MCRS1: variants seen among roughly 807,000 people sequenced by gnomAD.
The protein encoded by MCRS1 is 58 kDa microspherule protein.
Under a neutral mutation model 62.9 loss-of-function variants are expected in MCRS1, and 22 were observed. That is an observed-to-expected ratio of 0.35 (90% CI 0.25 to 0.50). MCRS1 has a LOEUF of 0.50. MCRS1 is among the 20% of genes least tolerant of loss of function. The pLI, the probability that MCRS1 is intolerant of heterozygous loss-of-function variation, is 0.98. For synonymous variants in MCRS1, 244 were observed against 233.5 expected, an observed-to-expected ratio of 1.04 and a Z score of -0.41; for missense variants, 456 against 601.1, an observed-to-expected ratio of 0.76 and a Z score of 2.52.
intron 3 of MCRS1, 70 bp from the exon 4 acceptor site, chr12:49,565,737 C>CAA: frequency 1.2e-6 from 2 of 1,607,154 alleles, no homozygotes; most frequent in Non-Finnish European, 1.7e-6. Flanking sequence ...CCCCAGCCCC[C>CAA]AAAAGAGAGC....
chr12:49,565,375 T>C (rs555855137), intron 4 of MCRS1, 154 bp downstream of exon 4: 10 of 984,524 alleles, frequency 1.0e-5, no homozygotes, highest in Middle Eastern at 5.2e-4. Flanking sequence ...TAGGGAGAGG[T>C]GTGTTCCCAG....
chr12:49,565,120 CTT>C, intron 4 of MCRS1: 1 of 985,344 alleles, frequency 1.0e-6, no homozygotes, highest in East Asian at 1.1e-4. Context: ...GGGGTCTTCT[CTT>C]TGCTGGCAGT....
chr12:49,566,060 C>T lies in MCRS1; in HGVS notation c.149+17G>A, dbSNP rs1158001362. On this transcript the variant is annotated intron_variant, in intron 3 of 14. Coordinates refer to ENST00000343810, the MANE Select transcript of MCRS1 (RefSeq NM_006337.5). Reference sequence around the variant, plus strand: ...TTCTACCCTTTCCCAGTTCCTGGCCCTCCGAACCCTTACTACCTGGAGGAG... The same window carrying T: ...TTCTACCCTTTCCCAGTTCCTGGCCTTCCGAACCCTTACTACCTGGAGGAG... The T allele has an allele frequency of 1.9e-6, 3 of 1,610,434 alleles. No individual in the cohort carries two copies. The highest frequency in any genetic ancestry group is 2.5e-6 in the Non-Finnish European group (3 of 1,178,170).
rs1198047574 is a variant in MCRS1, at chr12:49,566,135, G to T, written c.91C>A (p.Gln31Lys). ...AAGGCCTGGGAGGAGGCTCGCTTCT[G>T]CCCTGCCAGTGACTCCTCATCCTCT... ...RSEDEESLAG[Q>K]KRASSQALGT... The change falls in exon 3 of 15, where the codon CAG becomes AAG. Residue 31 changes from glutamine (Q) to lysine (K), a missense_variant. Physicochemically the swap from Gln to Lys is moderately conservative, Grantham distance 53. This residue lies in a region of MCRS1 where 55 missense variants were observed against 49.3 expected (regional missense o/e 1.12). Transcript: ENST00000343810. 1 of 1,614,208 alleles carries T rather than the reference G, an allele frequency of 6.2e-7. No homozygotes were observed. Among genetic ancestry groups the T allele is most frequent in the African/African-American group, 1.3e-5 (1 of 75,048 alleles).
intron 8 of MCRS1, among the ~76,000 whole-genome samples, chr12:49,562,517 T>C (rs533760036): frequency 6.6e-5 from 10 of 151,838 alleles, no homozygotes; most frequent in African/African-American, 2.4e-4. Flanking sequence ...AACGGCCTAG[T>C]GGGAAAAGAA....
In MCRS1 at chr12:49,558,966, G is replaced by T; in HGVS notation, c.1179C>A (p.Val393=). ...PAWKISRKQG[V]IKLKNNGDFF... ...AATCACCGTTGTTCTTCAGCTTGAT[G>T]ACACCTGTGGAAGCAGAAAGAAAGA... The change falls in exon 14 of 15, where the codon GTC becomes GTA. Residue 393 remains valine (V), a synonymous_variant. Transcript: ENST00000343810. 1 of 1,611,612 alleles carries T rather than the reference G, an allele frequency of 6.2e-7. No homozygotes were observed. Among genetic ancestry groups the T allele is most frequent in the Non-Finnish European group, 8.5e-7 (1 of 1,179,980 alleles).
chr12:49,565,491 G>T (rs1330706113), intron 4 of MCRS1, 38 bp downstream of exon 4: 1 of 1,548,434 alleles, frequency 6.5e-7, no homozygotes, highest in African/African-American at 1.4e-5. Flanking sequence ...ATGAAATCTG[G>T]CACTACCTCC....
intron 2 of MCRS1, 157 bp from the exon 3 acceptor site, chr12:49,566,372 A>G: frequency 1.3e-6 from 2 of 1,573,486 alleles, no homozygotes; most frequent in Non-Finnish European, 1.7e-6. Context: ...GGCCATCCAG[A>G]TCCCATCTGG....
intron 1 of MCRS1, 77 bp from the exon 2 acceptor site, chr12:49,566,918 C>T (rs1391097382): frequency 1.4e-6 from 1 of 707,670 alleles, no homozygotes; most frequent in East Asian, 2.8e-5. Context: ...TGGCTCAGGT[C>T]CCCCAGGGTC....
intron 6 of MCRS1, 61 bp from the exon 7 acceptor site, chr12:49,563,607 CCTA>C (rs1383583687): frequency 3.9e-6 from 5 of 1,273,184 alleles, no homozygotes; most frequent in Non-Finnish European, 4.4e-6. Context: ...ATCTGGGGTT[CCTA>C]CTATTTCCCC....
At chr12:49,562,792 T>C (rs74089566) in intron 8 of MCRS1, among the ~76,000 whole-genome samples, 13,259 of 152,304 alleles carry the variant, frequency 0.087, 671 homozygotes, top group African/African-American at 0.14. Context: ...CCAGGCAATG[T>C]TGGCTACTCT....
chr12:49,562,970 AC>A, intron 8 of MCRS1, 30 bp downstream of exon 8: 1 of 1,584,188 alleles, frequency 6.3e-7, no homozygotes, highest in Non-Finnish European at 8.6e-7. Flanking sequence ...ACGTGCACAC[AC>A]CCCCATTCTG....
At chr12:49,565,447 G>A (rs543732051) in intron 4 of MCRS1, 82 bp downstream of exon 4, 20 of 1,529,234 alleles carry the variant, frequency 1.3e-5, no homozygotes, top group South Asian at 6.5e-5. Context: ...TGCTCTGCAG[G>A]GCTCTTGGCA....
Position 49,564,511 on chromosome 12 carries a change from T to C in MCRS1, c.527A>G (p.Tyr176Cys). The C allele has an allele frequency of 1.9e-6, 3 of 1,613,434 alleles. No homozygotes were observed. The highest frequency in any genetic ancestry group is 2.2e-5 in the East Asian group (1 of 44,860). ...FTLREVQERW[Y>C]ALLYDPVISK... ...GATGACAGGATCGTAGAGCAGGGCG[T>C]ACCAACGCTCCTGGACCTCCCGAAG... Residue 176 changes from tyrosine (Y) to cysteine (C), a missense_variant, in exon 6 of 15, where the codon TAC (tyrosine) becomes TGC (cysteine). Physicochemically the swap from Tyr to Cys is radical, Grantham distance 194 (BLOSUM62 -2). Around this residue, in one of 3 missense-constraint regions of MCRS1, gnomAD observed 393 missense variants for 523.5 expected, o/e 0.75. Transcript: ENST00000343810.
At chr12:49,562,853 T>G in intron 8 of MCRS1, 148 bp downstream of exon 8, 3 of 1,024,090 alleles carry the variant, frequency 2.9e-6, no homozygotes, top group Non-Finnish European at 4.0e-6. Context: ...TGGAAAGTAG[T>G]TTTTTTTGCA....
Position 49,559,597 on chromosome 12 carries a change from C to A in MCRS1, c.1004-62G>T. 1 of 1,599,610 alleles carries A rather than the reference C, an allele frequency of 6.3e-7. No homozygotes were observed. Among genetic ancestry groups the A allele is most frequent in the Non-Finnish European group, 8.5e-7 (1 of 1,172,590 alleles). On this transcript the variant is annotated intron_variant, in intron 11 of 14. Transcript: ENST00000343810. This position sits in a 1 kb window ranked among gnomAD's most constrained non-coding sequence, Gnocchi z 5.2. Reference sequence around the variant, plus strand: ...AGGGCCAGAATGCAAGGCAGGGAACCAGGGCAAGGTTTATAAGGGAAGGGG... The same window carrying A: ...AGGGCCAGAATGCAAGGCAGGGAACAAGGGCAAGGTTTATAAGGGAAGGGG...
Position 49,563,366 on chromosome 12 carries a change from C to T in MCRS1, c.666+72G>A, listed in dbSNP as rs941439714. 3 of 1,465,574 alleles carry T rather than the reference C, an allele frequency of 2.0e-6. No individual in the cohort carries two copies. The African/African-American group carries it at 4.1e-5, about 20-fold the overall frequency. The allele number at this position is 1,465,574 out of a possible 1,614,324, so 90.8% of individuals were successfully genotyped here. Reference sequence around the variant, plus strand: ...CAGACAGTGGGTGGGGAGCTCTCCACATCAGTGGTTTTCTAGGTGGTCCAG... The same window carrying T: ...CAGACAGTGGGTGGGGAGCTCTCCATATCAGTGGTTTTCTAGGTGGTCCAG... On this transcript the variant is annotated intron_variant, in intron 7 of 14. Coordinates refer to ENST00000343810, the MANE Select transcript of MCRS1 (RefSeq NM_006337.5).
Position 49,559,516 on chromosome 12 carries a change from G to C in MCRS1, c.1023C>G (p.Phe341Leu), listed in dbSNP as rs767766239. 1 of 1,611,226 alleles carries C rather than the reference G, an allele frequency of 6.2e-7. No individual in the cohort carries two copies. The highest frequency in any genetic ancestry group is 1.3e-5 in the African/African-American group (1 of 75,056). The change falls in exon 12 of 15, where the codon TTC becomes TTG. Residue 341 changes from phenylalanine to leucine, a missense_variant. Around this residue, in one of 3 missense-constraint regions of MCRS1, gnomAD observed 393 missense variants for 523.5 expected, o/e 0.75. Coordinates refer to ENST00000343810, the MANE Select transcript of MCRS1 (RefSeq NM_006337.5). The surrounding 1 kb of genome is among the most constrained non-coding windows in gnomAD (Gnocchi z 5.2). Reference sequence around the variant, plus strand: ...GCAGCACTGCCAGTGTCTGGTTGTCGAAGTCCGGAGAGCTCATGCCTGGGA... The same window carrying C: ...GCAGCACTGCCAGTGTCTGGTTGTCCAAGTCCGGAGAGCTCATGCCTGGGA... ...DSITGMSSPD[F>L]DNQTLAVLRG...
At chr12:49,563,746 C>T (rs767841896) in intron 6 of MCRS1, among the ~76,000 whole-genome samples, 200 bp from the exon 7 acceptor site, 3 of 152,196 alleles carry the variant, frequency 2.0e-5, no homozygotes, top group Non-Finnish European at 2.9e-5. Context: ...ACTCAGAAAA[C>T]GGAGGCCCCT....
Sources: allele counts gnomAD v4.1 joint callset (sites outside exome capture counted in the v4.1 genomes callset), GRCh38; gene constraint gnomAD v4.1.1; regional missense constraint gnomAD v4.1.1; non-coding constraint Gnocchi (gnomAD v3.1); transcripts MANE v1.5; gene names NCBI Gene and HGNC (gene_info 2026-07-23, HGNC 2026-07-21).